The following RAP1GAP2 variants were observed in gnomAD, a reference collection of about 807,000 sequenced individuals.
RAP1GAP2 encodes RAP1 GTPase activating protein 2.
In RAP1GAP2, 27 loss-of-function variants were observed where a neutral mutation model predicts 95.0. The ratio of observed to expected loss-of-function variants is 0.28; its 90% CI spans 0.21 to 0.39. RAP1GAP2 has a LOEUF of 0.39. Among genes scored for constraint, RAP1GAP2 ranks in the 10% least tolerant of loss-of-function variants. The pLI is 1.00. For synonymous variants in RAP1GAP2, 373 were observed against 380.9 expected, an observed-to-expected ratio of 0.98 and a Z score of 0.24; for missense variants, 771 against 970.0, an observed-to-expected ratio of 0.79 and a Z score of 2.72.
chr17:2,830,515 A>G (rs577903235), intron 2 of RAP1GAP2, among the ~76,000 whole-genome samples: 22 of 152,220 alleles, frequency 1.4e-4, no homozygotes, highest in Admixed American at 1.2e-3. Flanking sequence ...AGAGATCGAG[A>G]CCATCCTGGC....
chr17:3,000,061 C>T (rs1430787858), intron 14 of RAP1GAP2, among the ~76,000 whole-genome samples: 1 of 152,194 alleles, frequency 6.6e-6, no homozygotes, highest in Non-Finnish European at 1.5e-5. Flanking sequence ...GACTCTCCTG[C>T]CTCAGCCTCC....
At chr17:3,032,587 GC>G (rs1002496825) in intron 24 of RAP1GAP2, 138 bp downstream of exon 24, 5 of 842,002 alleles carry the variant, frequency 5.9e-6, no homozygotes, top group Admixed American at 4.1e-5. Flanking sequence ...TCTCCTACTC[GC>G]CCCTGAAGAC....
chr17:2,882,522 C>A (rs572579045), intron 2 of RAP1GAP2, among the ~76,000 whole-genome samples: 7 of 147,600 alleles, frequency 4.7e-5, no homozygotes, highest in Admixed American at 4.1e-4. Flanking sequence ...CATCTCTTGA[C>A]GTCATGATCC....
At chr17:2,897,522 G>A (rs1215916083) in intron 2 of RAP1GAP2, among the ~76,000 whole-genome samples, 4 of 151,530 alleles carry the variant, frequency 2.6e-5, no homozygotes. Context: ...GCAATTTCTG[G>A]CTAATTTTTG....
At chr17:2,946,795 C>G (rs925408871) in intron 3 of RAP1GAP2, among the ~76,000 whole-genome samples, 1 of 152,218 alleles carries the variant, frequency 6.6e-6, no homozygotes, top group Non-Finnish European at 1.5e-5. Context: ...TGCTCCTTCG[C>G]CCAGGCTGGC....
At chr17:2,931,280 TTGTGTGTGTGTGTG>T (rs34690298) in intron 3 of RAP1GAP2, among the ~76,000 whole-genome samples, 5 of 146,666 alleles carry the variant, frequency 3.4e-5, no homozygotes, top group African/African-American at 1.0e-4. Flanking sequence ...TGAGTGTTTC[TTGTGTGTGTGTGTG>T]TGTGTGTGTG....
chr17:3,031,738 C>T (rs1033348737), intron 23 of RAP1GAP2, among the ~76,000 whole-genome samples: 5 of 140,168 alleles, frequency 3.6e-5, no homozygotes, highest in African/African-American at 1.5e-4. Flanking sequence ...GTTCCTGGGT[C>T]CCGAATCCCT....
intron 7 of RAP1GAP2, 110 bp downstream of exon 7, chr17:2,964,178 G>A: frequency 1.9e-6 from 2 of 1,034,246 alleles, no homozygotes; most frequent in Non-Finnish European, 2.7e-6. Context: ...GGAGGCTGTG[G>A]GAGGCTGTGG....
At chr17:2,962,402 A>G (rs1187811030) in intron 4 of RAP1GAP2, 2 of 460,918 alleles carry the variant, frequency 4.3e-6, no homozygotes, top group Non-Finnish European at 7.6e-6. Context: ...GTGACTTGCC[A>G]AGGTCATCAG....
intron 2 of RAP1GAP2, among the ~76,000 whole-genome samples, chr17:2,800,956 T>C (rs2069268180): frequency 6.6e-6 from 1 of 150,376 alleles, no homozygotes; most frequent in South Asian, 2.1e-4. Flanking sequence ...TTCAAGTGAA[T>C]CTCCTGCCTC....
rs765467873 is a variant in RAP1GAP2 at position 3,005,951 on chromosome 17, C to G, written c.1273-4C>G. Reference sequence around the variant, plus strand: ...AGACCTGAGGTCCGTCTTGTCTCTTCCAGGGCCCGGAATTCAGGGAGTTTC... The same window carrying G: ...AGACCTGAGGTCCGTCTTGTCTCTTGCAGGGCCCGGAATTCAGGGAGTTTC... On this transcript the variant is annotated splice_region_variant and splice_polypyrimidine_tract_variant and intron_variant, in intron 15 of 24. Coordinates refer to ENST00000254695, the MANE Select transcript of RAP1GAP2 (RefSeq NM_015085.5). The surrounding 1 kb of genome is among the most constrained non-coding windows in gnomAD (Gnocchi z 5.2). 1 of 1,613,566 alleles carries G rather than the reference C, an allele frequency of 6.2e-7. No homozygotes were observed. Among genetic ancestry groups the G allele is most frequent in the Non-Finnish European group, 8.5e-7 (1 of 1,179,628 alleles).
rs1391405881 is a variant in RAP1GAP2 at position 3,005,279 on chromosome 17, AG to A, written c.1201-88del. The stretch of plus-strand genomic sequence containing the variant: ...TGTTCTGGGAAGAGGAGGAGGGAGA[AG>A]GTGAGTAGCTTTGTAAGGAGCGTGG... On this transcript the variant is annotated intron_variant, in intron 14 of 24. Transcript: ENST00000254695. This position sits in a 1 kb window ranked among gnomAD's most constrained non-coding sequence, Gnocchi z 5.2. The A allele has an allele frequency of 8.2e-7, 1 of 1,226,528 alleles. No individual in the cohort carries two copies. The highest frequency in any genetic ancestry group is 1.7e-5 in the Admixed American group (1 of 59,386). The allele number at this position is 1,226,528 out of a possible 1,614,324, so 76.0% of individuals were successfully genotyped here.
At chr17:2,808,584 C>T (rs758917808) in intron 2 of RAP1GAP2, among the ~76,000 whole-genome samples, 4 of 152,168 alleles carry the variant, frequency 2.6e-5, no homozygotes, top group Admixed American at 6.5e-5. Context: ...TGGCCCGGCT[C>T]GGCTCCTGGG....
chr17:2,971,913 G>A (rs1388468811), intron 8 of RAP1GAP2, among the ~76,000 whole-genome samples: 2 of 152,126 alleles, frequency 1.3e-5, no homozygotes, highest in Admixed American at 6.6e-5. Context: ...AATAAGATAG[G>A]TAACTAGCTA....
At chr17:3,006,501 T>C (rs1202456303) in intron 16 of RAP1GAP2, among the ~76,000 whole-genome samples, 2 of 147,208 alleles carry the variant, frequency 1.4e-5, no homozygotes, top group African/African-American at 2.5e-5. Flanking sequence ...TGGCCCGATC[T>C]TGGCTCACTG....
At chr17:3,021,708 T>A (rs2046968335) in intron 19 of RAP1GAP2, among the ~76,000 whole-genome samples, 1 of 152,238 alleles carries the variant, frequency 6.6e-6, no homozygotes, top group African/African-American at 2.4e-5. Flanking sequence ...GTGTTGGGAT[T>A]ACAGGCGTGA....
In RAP1GAP2 at chr17:2,767,587, A is replaced by G. The variant is rs1438854954; in HGVS notation, c.51-2742A>G. ...ATTCCCTGCCCCCTTTTTAATGTCA[A>G]TCACGCATGAGGCCCTGCACTTGAT... is the stretch of plus-strand genomic sequence containing the variant. On this transcript the variant is annotated intron_variant, in intron 1 of 25. Coordinates refer to the RAP1GAP2 transcript ENST00000637138. Among the ~76,000 whole-genome samples, 4 of 139,006 alleles carry G rather than the reference A, an allele frequency of 2.9e-5. No homozygotes were observed. The South Asian group carries it at 7.0e-4, about 24-fold the overall frequency. 91.2% of individuals were successfully genotyped at this position (139,006 alleles called of 152,430 possible).
chr17:2,929,729 C>T (rs376431265), intron 3 of RAP1GAP2, among the ~76,000 whole-genome samples: 4 of 152,226 alleles, frequency 2.6e-5, no homozygotes, highest in East Asian at 1.9e-4. Flanking sequence ...GCCCGCTCCA[C>T]GAAGGCAGTG....
At chr17:2,859,437 T>C (rs2151614546) in intron 2 of RAP1GAP2, among the ~76,000 whole-genome samples, 1 of 151,808 alleles carries the variant, frequency 6.6e-6, no homozygotes, top group East Asian at 1.9e-4. Flanking sequence ...TAAAAAAATT[T>C]TAATTTAATT....
Sources: gnomAD v4.1 joint callset for allele counts (sites outside exome capture counted in the v4.1 genomes callset) on GRCh38, gnomAD v4.1.1 for gene constraint, Gnocchi (gnomAD v3.1) non-coding constraint, MANE v1.5 for transcripts, NCBI Gene and HGNC (gene_info 2026-07-23, HGNC 2026-07-21) for gene names.